L3MBTL3: variants seen among roughly 807,000 people sequenced by gnomAD.
The protein encoded by L3MBTL3 is L3MBTL histone methyl-lysine binding protein 3.
L3MBTL3 carries 27 observed loss-of-function variants against 102.3 expected under a neutral mutation model. That is an observed-to-expected ratio of 0.26 (90% CI 0.19 to 0.36). The LOEUF is 0.36. Among genes scored for constraint, L3MBTL3 ranks in the 10% least tolerant of loss-of-function variants. The pLI is 1.00. For synonymous variants in L3MBTL3, 340 were observed against 320.9 expected (o/e 1.06, Z -0.64); for missense variants, 798 against 955.3 (o/e 0.84, Z 2.17).
intron 20 of L3MBTL3, among the ~76,000 whole-genome samples, chr6:130,131,760 G>C (rs1175105332): frequency 1.3e-5 from 2 of 152,212 alleles, no homozygotes; most frequent in African/African-American, 4.8e-5. Flanking sequence ...GTAACTTCCT[G>C]ATGTTGACAT....
At chr6:130,055,477 T>TCTCTCCCTCCCC (rs1781409723) in intron 8 of L3MBTL3, among the ~76,000 whole-genome samples, 1 of 147,806 alleles carries the variant, frequency 6.8e-6, no homozygotes, top group South Asian at 2.2e-4. Flanking sequence ...CCTCCCTCCC[T>TCTCTCCCTCCCC]CTCTCCCTCC....
At chr6:130,057,360 GC>G in intron 8 of L3MBTL3, 45 bp from the exon 9 acceptor site, 1 of 1,484,600 alleles carries the variant, frequency 6.7e-7, no homozygotes, top group East Asian at 2.3e-5. Flanking sequence ...ATCACTGCTG[GC>G]TTAGATTTGG....
chr6:130,070,387 C>T (rs1284533620), intron 12 of L3MBTL3, among the ~76,000 whole-genome samples: 2 of 152,188 alleles, frequency 1.3e-5, no homozygotes. Flanking sequence ...TGTACATCAA[C>T]AGCCAATTCT....
At chr6:130,123,398 T>C (rs969376198) in intron 20 of L3MBTL3, among the ~76,000 whole-genome samples, 1 of 152,158 alleles carries the variant, frequency 6.6e-6, no homozygotes, top group Non-Finnish European at 1.5e-5. Flanking sequence ...TGTAGTTCAA[T>C]GTGCATGTTT....
intron 18 of L3MBTL3, among the ~76,000 whole-genome samples, chr6:130,097,100 T>TA (rs1188812226): frequency 6.6e-6 from 1 of 152,220 alleles, no homozygotes; most frequent in East Asian, 1.9e-4. Context: ...TGGATTTTCT[T>TA]AGACTCCCTG....
chr6:130,117,667 AAATAAT>A (rs1562327399), intron 19 of L3MBTL3, among the ~76,000 whole-genome samples: 3 of 152,194 alleles, frequency 2.0e-5, no homozygotes, highest in South Asian at 2.1e-4. Context: ...TAGTAGAGAG[AAATAAT>A]GGTTGTCCAA....
intron 1 of L3MBTL3, among the ~76,000 whole-genome samples, chr6:130,019,942 C>CCGGGTG (rs1778844883): frequency 7.3e-6 from 1 of 136,560 alleles, no homozygotes; most frequent in African/African-American, 2.6e-5. Flanking sequence ...CCGCGCCGGC[C>CCGGGTG]CGGGTGCGGG....
chr6:130,069,131 C>T (rs558107266), intron 12 of L3MBTL3, among the ~76,000 whole-genome samples: 6 of 152,154 alleles, frequency 3.9e-5, no homozygotes, highest in African/African-American at 1.4e-4. Flanking sequence ...TCGCCTTTCA[C>T]GCCCATCCCC....
At chr6:130,118,957 G>A (rs1785924520) in intron 19 of L3MBTL3, among the ~76,000 whole-genome samples, 1 of 152,012 alleles carries the variant, frequency 6.6e-6, no homozygotes, top group Admixed American at 6.6e-5. Context: ...ATTGTATTCA[G>A]GCATAAGAAA....
At chr6:130,033,453 G>A (rs1779856914) in intron 2 of L3MBTL3, among the ~76,000 whole-genome samples, 1 of 152,224 alleles carries the variant, frequency 6.6e-6, no homozygotes, top group Non-Finnish European at 1.5e-5. Flanking sequence ...GGATTCTACA[G>A]TGGAGGTTGG....
At chr6:130,129,797 A>G (rs767088795) in intron 20 of L3MBTL3, among the ~76,000 whole-genome samples, 29 of 152,296 alleles carry the variant, frequency 1.9e-4, no homozygotes, top group South Asian at 6.2e-4. Flanking sequence ...TACTGTGCAC[A>G]TTTAAACCTA....
In L3MBTL3 at chr6:130,133,681, T is replaced by G. The variant is rs1787302959; in HGVS notation, c.2136+60T>G. ...TACAGGATTACTGGCTTAAGAGGTG[T>G]GGAACATTGAGCGTAGGTAGCGTTT... is the stretch of plus-strand genomic sequence containing the variant. On this transcript the variant is annotated intron_variant, in intron 21 of 22. Coordinates refer to ENST00000361794, the MANE Select transcript of L3MBTL3 (RefSeq NM_032438.4). The surrounding 1 kb of genome is among the most constrained non-coding windows in gnomAD (Gnocchi z 4.9). 4 of 1,589,950 alleles carry G rather than the reference T, an allele frequency of 2.5e-6. No individual in the cohort carries two copies. The highest frequency in any genetic ancestry group is 3.4e-6 in the Non-Finnish European group (4 of 1,164,346).
chr6:130,033,078 G>A (rs1779829289), intron 2 of L3MBTL3, among the ~76,000 whole-genome samples: 1 of 152,146 alleles, frequency 6.6e-6, no homozygotes, highest in Admixed American at 6.5e-5. Flanking sequence ...ACGAAGAGGA[G>A]GAAAAGAAGG....
rs62432048 is a variant in L3MBTL3 at position 130,108,909 on chromosome 6, G to C, written c.1886+4334G>C. On this transcript the variant is annotated intron_variant, in intron 19 of 22. Transcript: ENST00000361794. ...GTGTGATGTTCCCCTCCCTGTTTCC[G>C]TGTGTTTTCATTGTTCAGCTCCCAC... Among the ~76,000 whole-genome samples the C allele has an allele frequency of 9.9e-5, 15 of 151,710 alleles. No individual in the cohort carries two copies. In the East Asian group the frequency reaches 2.9e-3, roughly 30 times the overall value.
chr6:130,054,123 T>C (rs979285795), intron 7 of L3MBTL3, among the ~76,000 whole-genome samples: 1 of 152,120 alleles, frequency 6.6e-6, no homozygotes, highest in African/African-American at 2.4e-5. Flanking sequence ...CTATGTGAAG[T>C]TGAGAGTGAG....
intron 22 of L3MBTL3, among the ~76,000 whole-genome samples, chr6:130,137,348 C>T (rs1336255705): frequency 4.0e-5 from 6 of 151,588 alleles, no homozygotes; most frequent in African/African-American, 4.8e-5. Context: ...AGAAGCTAAC[C>T]GAAAAAAAAG....
chr6:130,051,089 C>T (rs1009633187), intron 5 of L3MBTL3, among the ~76,000 whole-genome samples, 160 bp from the exon 6 acceptor site: 2 of 152,138 alleles, frequency 1.3e-5, no homozygotes, highest in Non-Finnish European at 2.9e-5. Context: ...TTTACAGAGC[C>T]CATACCCCCC....
chr6:130,018,997 G>T (rs995836828), intron 1 of L3MBTL3, among the ~76,000 whole-genome samples: 2 of 151,384 alleles, frequency 1.3e-5, no homozygotes, highest in African/African-American at 4.8e-5. Flanking sequence ...AGAGAAAAGA[G>T]AAAGGAAAAA....
Position 130,051,293 on chromosome 6 carries a change from G to A in L3MBTL3, c.334G>A (p.Val112Met). Residue 112 changes from valine to methionine, a missense_variant, in exon 6 of 23, where the codon GTG (valine) becomes ATG (methionine). Physicochemically the swap from Val to Met is conservative, Grantham distance 21. Coordinates refer to ENST00000361794, the MANE Select transcript of L3MBTL3 (RefSeq NM_032438.4). ...TGMPFRLKDP[V>M]KVEGLQFCEN... The stretch of plus-strand genomic sequence containing the variant: ...GATGCCTTTCAGGTTGAAGGATCCA[G>A]TGAAAGTAGAAGGGCTTCAGTTCTG... 6.2e-7 allele frequency: 1 copy of A among 1,614,040 alleles called. No homozygotes were observed. The highest frequency in any genetic ancestry group is 1.3e-5 in the African/African-American group (1 of 75,060).
Sources: allele counts gnomAD v4.1 joint callset (sites outside exome capture counted in the v4.1 genomes callset), GRCh38; gene constraint gnomAD v4.1.1; non-coding constraint Gnocchi (gnomAD v3.1); transcripts MANE v1.5; gene names NCBI Gene and HGNC (gene_info 2026-07-23, HGNC 2026-07-21).